SCFD2: variants seen among roughly 807,000 people sequenced by gnomAD.
SCFD2 encodes the protein sec1 family domain-containing protein 2.
A neutral mutation model predicts 58.9 loss-of-function variants in SCFD2; 54 were observed. The ratio of observed to expected loss-of-function variants is 0.92; its 90% confidence interval spans 0.74 to 1.15. The LOEUF is 1.15. SCFD2 is among the 50% of genes most tolerant of loss of function. The pLI, the probability that SCFD2 is intolerant of heterozygous loss-of-function variation, is 0.00. For synonymous variants in SCFD2, 321 were observed against 335.9 expected, an observed-to-expected ratio of 0.96 and a Z score of 0.49; for missense variants, 805 against 836.6, an observed-to-expected ratio of 0.96 and a Z score of 0.47.
At chr4:53,307,695 T>A (rs540339987) in intron 3 of SCFD2, among the ~76,000 whole-genome samples, 58 of 152,220 alleles carry the variant, frequency 3.8e-4, no homozygotes, top group Non-Finnish European at 7.4e-4. Context: ...CTTACAAATG[T>A]AGGGACTTAA....
At chr4:53,208,144 T>C (rs2148977001) in intron 4 of SCFD2, among the ~76,000 whole-genome samples, 1 of 151,764 alleles carries the variant, frequency 6.6e-6, no homozygotes, top group South Asian at 2.1e-4. Context: ...TCTTTTTTTT[T>C]CTTTTTATAT....
intron 7 of SCFD2, among the ~76,000 whole-genome samples, chr4:52,897,189 C>T (rs533529065): frequency 2.4e-4 from 37 of 152,314 alleles, no homozygotes; most frequent in Admixed American, 1.7e-3. Flanking sequence ...ACTTCCAACA[C>T]TATGTTGAAC....
At chr4:53,172,011 A>G (rs1038894450) in intron 4 of SCFD2, among the ~76,000 whole-genome samples, 2 of 146,358 alleles carry the variant, frequency 1.4e-5, no homozygotes, top group Non-Finnish European at 3.0e-5. Flanking sequence ...TTTATTATTT[A>G]TTATTTATTT....
At chr4:53,130,207 T>C (rs1182743456) in intron 5 of SCFD2, among the ~76,000 whole-genome samples, 1 of 152,206 alleles carries the variant, frequency 6.6e-6, no homozygotes, top group East Asian at 1.9e-4. Context: ...TAAAGGAAAT[T>C]ATAAACATAA....
intron 4 of SCFD2, among the ~76,000 whole-genome samples, chr4:53,203,714 C>G (rs949902981): frequency 1.3e-5 from 2 of 152,052 alleles, no homozygotes; most frequent in Non-Finnish European, 2.9e-5. Flanking sequence ...CCTACTTATA[C>G]TATAGAATCC....
At chr4:52,948,091 G>A (rs898040486) in intron 5 of SCFD2, among the ~76,000 whole-genome samples, 3 of 151,908 alleles carry the variant, frequency 2.0e-5, no homozygotes, top group African/African-American at 7.3e-5. Context: ...ATTTAAAGGT[G>A]TGATACTACC....
intron 5 of SCFD2, among the ~76,000 whole-genome samples, chr4:53,071,287 A>C (rs1328428453): frequency 6.6e-6 from 1 of 152,122 alleles, no homozygotes; most frequent in Admixed American, 6.6e-5. Context: ...GAGGGAAATG[A>C]ACTTATATTT....
chr4:52,950,731 G>C (rs888316818), intron 5 of SCFD2: 1 of 152,046 alleles, frequency 6.6e-6, no homozygotes, highest in African/African-American at 2.4e-5. Flanking sequence ...AAGAGACTTG[G>C]GGATATAGTG....
intron 4 of SCFD2, among the ~76,000 whole-genome samples, chr4:53,214,413 G>A (rs1309025218): frequency 1.3e-5 from 2 of 152,108 alleles, no homozygotes; most frequent in African/African-American, 4.8e-5. Flanking sequence ...CACTGATGAT[G>A]AGCATTTTTT....
intron 3 of SCFD2, among the ~76,000 whole-genome samples, chr4:53,297,600 CTT>C (rs1397266648): frequency 1.3e-5 from 2 of 152,262 alleles, no homozygotes; most frequent in Non-Finnish European, 2.9e-5. Flanking sequence ...GCTCTTGACT[CTT>C]TATCCAATTT....
At chr4:52,961,795 T>G (rs1720858316) in intron 5 of SCFD2, among the ~76,000 whole-genome samples, 3 of 152,240 alleles carry the variant, frequency 2.0e-5, no homozygotes, top group African/African-American at 7.2e-5. Context: ...TAGGTTACTT[T>G]CAGCCTGCAG....
chr4:52,999,858 G>T (rs887493037), intron 5 of SCFD2, among the ~76,000 whole-genome samples: 1 of 152,230 alleles, frequency 6.6e-6, no homozygotes, highest in African/African-American at 2.4e-5. Flanking sequence ...CGACTTCCTT[G>T]TTGTCCTCTC....
intron 5 of SCFD2, among the ~76,000 whole-genome samples, chr4:53,061,969 C>A (rs183675714): frequency 4.0e-4 from 61 of 152,102 alleles, no homozygotes; most frequent in African/African-American, 1.4e-3. Context: ...GTTATCACAT[C>A]CAGATGTGAT....
chr4:53,353,646 C>T (rs1734308928), intron 1 of SCFD2, among the ~76,000 whole-genome samples: 1 of 152,178 alleles, frequency 6.6e-6, no homozygotes, highest in African/African-American at 2.4e-5. Context: ...AAACCTTGAG[C>T]TAGACACAGA....
chr4:53,331,256 T>C (rs1577975072), intron 2 of SCFD2, among the ~76,000 whole-genome samples: 2 of 151,256 alleles, frequency 1.3e-5, no homozygotes, highest in South Asian at 2.1e-4. Flanking sequence ...CTAATAGACA[T>C]CTACAGAACT....
intron 7 of SCFD2, among the ~76,000 whole-genome samples, chr4:52,897,326 G>A (rs1177413350): frequency 3.9e-5 from 6 of 152,186 alleles, no homozygotes; most frequent in South Asian, 2.1e-4. Context: ...TTTGAGAAAC[G>A]TCCCATCAAT....
At chr4:52,886,389 C>T (rs1157778590) in intron 7 of SCFD2, among the ~76,000 whole-genome samples, 1 of 152,230 alleles carries the variant, frequency 6.6e-6, no homozygotes, top group East Asian at 1.9e-4. Flanking sequence ...AAATTCTTCT[C>T]CACGCTCCTC....
chr4:53,348,347 T>G (rs886259815), intron 2 of SCFD2, among the ~76,000 whole-genome samples: 6 of 152,358 alleles, frequency 3.9e-5, no homozygotes, highest in African/African-American at 1.4e-4. Flanking sequence ...TTTTGCCTTT[T>G]AGTACTAACA....
chr4:53,217,648 G>A (rs1218012845), intron 4 of SCFD2, among the ~76,000 whole-genome samples: 2 of 152,128 alleles, frequency 1.3e-5, no homozygotes, highest in South Asian at 2.1e-4. Flanking sequence ...TTACATTTAA[G>A]GTTAATATCG....
Sources: allele counts gnomAD v4.1 joint callset (sites outside exome capture counted in the v4.1 genomes callset), GRCh38; gene constraint gnomAD v4.1.1; transcripts MANE v1.5; gene names NCBI Gene and HGNC (gene_info 2026-07-23, HGNC 2026-07-21).